Variants in SH3BGR observed in about 807,000 individuals in gnomAD.
SH3BGR encodes SH3 domain-binding glutamic acid-rich protein.
Under a neutral mutation model 24.5 loss-of-function variants are expected in SH3BGR, and 29 were observed. The observed-to-expected ratio is 1.18, with a 90% CI of 0.88 to 1.61. The LOEUF (loss-of-function observed/expected upper bound fraction) is 1.61, where lower values mean the gene tolerates loss of function less well. SH3BGR is among the 40% of genes most tolerant of loss of function. The pLI, the probability that SH3BGR is intolerant of heterozygous loss-of-function variation, is 0.00. For synonymous variants in SH3BGR, 55 were observed against 65.7 expected, an observed-to-expected ratio of 0.84 and a Z score of 0.79; for missense variants, 162 against 205.8, an observed-to-expected ratio of 0.79 and a Z score of 1.30.
chr21:39,499,367 A>G (rs1397488418), intron 3 of SH3BGR, among the ~76,000 whole-genome samples: 2 of 151,444 alleles, frequency 1.3e-5, no homozygotes, highest in Non-Finnish European at 2.9e-5. Flanking sequence ...CCATCCATCC[A>G]TCTATCCATC....
intron 3 of SH3BGR, among the ~76,000 whole-genome samples, chr21:39,499,255 C>CATCTATCTATCTATCTATCTATCTATCT (rs111762804): frequency 0.1 from 15,416 of 151,110 alleles, 1,035 homozygotes; most frequent in East Asian, 0.21. Flanking sequence ...ACCTATCTAT[C>CATCTATCTATCTATCTATCTATCTATCT]ATCTGTCTAT....
chr21:39,482,094 A>G (rs377036547), intron 3 of SH3BGR, among the ~76,000 whole-genome samples: 33 of 152,384 alleles, frequency 2.2e-4, no homozygotes, highest in African/African-American at 7.9e-4. Flanking sequence ...TGAAGTCCAT[A>G]GTCTCACCAG....
At position 39,511,458 on chromosome 21, in the gene SH3BGR, GGT is replaced by G. The variant is rs569174749; in HGVS notation, c.436-211_436-210del. On this transcript the variant is annotated intron_variant, in intron 5 of 6. Coordinates refer to ENST00000333634, the MANE Select transcript of SH3BGR (RefSeq NM_007341.3). This position sits in a 1 kb window ranked among gnomAD's most constrained non-coding sequence, Gnocchi z 4.2. The stretch of plus-strand genomic sequence containing the variant: ...TGCTGTGTGTCATGTGTGTTTCCGT[GGT>G]GTGTGTGTGTTTGGGCGGTATGTGT... 7.2e-3 allele frequency among the ~76,000 whole-genome samples: 1,050 copies of G among 146,788 alleles called. 6 individuals carry two copies. Among genetic ancestry groups the G allele is most frequent in the Middle Eastern group, 0.016 (4 of 258 alleles).
upstream of SH3BGR, among the ~76,000 whole-genome samples, chr21:39,451,375 GA>G (rs2077571824): frequency 6.6e-6 from 1 of 152,138 alleles, no homozygotes; most frequent in Admixed American, 6.5e-5. Flanking sequence ...TACCTCCCTG[GA>G]TGTCAGTGAA....
chr21:39,456,550 A>ATGTGGGGTAGCAGTTTCCG (rs1390146537), intron 1 of SH3BGR, among the ~76,000 whole-genome samples: 68 of 152,256 alleles, frequency 4.5e-4, no homozygotes, highest in Admixed American at 2.6e-3. Context: ...AGCAGTTTCC[A>ATGTGGGGTAGCAGTTTCCG]TGTGGGGTAG....
intron 1 of SH3BGR, 48 bp downstream of exon 1, chr21:39,452,189 T>C: frequency 6.2e-7 from 1 of 1,611,664 alleles, no homozygotes; most frequent in Non-Finnish European, 8.5e-7. Context: ...TCTGAATAAC[T>C]TAGGGTTGGA....
intron 2 of SH3BGR, among the ~76,000 whole-genome samples, chr21:39,471,651 A>G (rs545675485): frequency 6.6e-6 from 1 of 152,182 alleles, no homozygotes; most frequent in Non-Finnish European, 1.5e-5. Flanking sequence ...AAATAGAGAC[A>G]GAGTCTTGCT....
chr21:39,494,017 T>C (rs1414831975), intron 3 of SH3BGR, among the ~76,000 whole-genome samples: 1 of 152,032 alleles, frequency 6.6e-6, no homozygotes, highest in Non-Finnish European at 1.5e-5. Flanking sequence ...TTTGGAGGAG[T>C]CTTTGGGGTT....
rs779001965 is a variant in SH3BGR at position 39,499,817 on chromosome 21, G to A, written c.313-6G>A. On this transcript the variant is annotated splice_region_variant and splice_polypyrimidine_tract_variant and intron_variant, in intron 3 of 6. Coordinates refer to ENST00000333634, the MANE Select transcript of SH3BGR (RefSeq NM_007341.3). ...AGCTCATATCCTGGGTTTCCTTTAT[G>A]ACCAGGGATCAGAGAAGGCTGAAGA... 14 of 1,597,794 alleles carry A rather than the reference G, an allele frequency of 8.8e-6. No individual in the cohort carries two copies. The highest frequency in any genetic ancestry group is 1.2e-5 in the Non-Finnish European group (14 of 1,169,792).
At chr21:39,484,747 G>A (rs1163449949) in intron 3 of SH3BGR, among the ~76,000 whole-genome samples, 4 of 152,236 alleles carry the variant, frequency 2.6e-5, no homozygotes, top group Non-Finnish European at 5.9e-5. Context: ...CTAATTAGCA[G>A]TACAGTTCGT....
chr21:39,446,185 T>G (rs1362877638), intron 1 of SH3BGR: 1 of 137,442 alleles, frequency 7.3e-6, no homozygotes, highest in Non-Finnish European at 1.6e-5. Context: ...TTTTTTTTTG[T>G]AAAACAAAAT....
intron 1 of SH3BGR, among the ~76,000 whole-genome samples, chr21:39,455,391 A>G (rs2077638348): frequency 2.0e-5 from 3 of 152,218 alleles, no homozygotes; most frequent in Non-Finnish European, 4.4e-5. Context: ...AGCATGGGCC[A>G]TGGCACCCTG....
intron 4 of SH3BGR, among the ~76,000 whole-genome samples, chr21:39,503,476 A>G (rs550865157): frequency 6.6e-6 from 1 of 152,332 alleles, no homozygotes; most frequent in East Asian, 1.9e-4. Flanking sequence ...CAGTAAAAAC[A>G]CAAAACGAGC....
At chr21:39,452,417 G>A (rs1246288919) in intron 1 of SH3BGR, among the ~76,000 whole-genome samples, 3 of 152,194 alleles carry the variant, frequency 2.0e-5, no homozygotes, top group Non-Finnish European at 4.4e-5. Flanking sequence ...GTGTTGCCTT[G>A]TGAATATCAT....
At chr21:39,489,274 G>A (rs1429494165) in intron 3 of SH3BGR, among the ~76,000 whole-genome samples, 4 of 152,208 alleles carry the variant, frequency 2.6e-5, no homozygotes, top group Non-Finnish European at 5.9e-5. Flanking sequence ...ATGACTGCAG[G>A]AAAACCAGAA....
intron 4 of SH3BGR, among the ~76,000 whole-genome samples, chr21:39,501,408 A>G (rs909735596): frequency 2.0e-5 from 3 of 152,216 alleles, no homozygotes; most frequent in Non-Finnish European, 4.4e-5. Context: ...ACTACATTTT[A>G]AAATTGTGAG....
At chr21:39,449,991 A>G (rs2077554586), upstream of SH3BGR, among the ~76,000 whole-genome samples, 1 of 152,286 alleles carries the variant, frequency 6.6e-6, no homozygotes, top group East Asian at 1.9e-4. Context: ...TTTTCACCTG[A>G]TATAATCAAG....
intron 5 of SH3BGR, among the ~76,000 whole-genome samples, chr21:39,509,357 T>G (rs2078636299): frequency 6.6e-6 from 1 of 152,192 alleles, no homozygotes; most frequent in Non-Finnish European, 1.5e-5. Flanking sequence ...TTTTCCACCC[T>G]GTTGAATGCA....
intron 3 of SH3BGR, among the ~76,000 whole-genome samples, chr21:39,479,262 G>GTGGTGA (rs1431467921): frequency 6.7e-6 from 1 of 149,844 alleles, no homozygotes; most frequent in Non-Finnish European, 1.5e-5. Context: ...GGTGGTGATG[G>GTGGTGA]TAGTGCTGGT....
Sources: gnomAD v4.1 joint callset for allele counts (sites outside exome capture counted in the v4.1 genomes callset) on GRCh38, gnomAD v4.1.1 for gene constraint, Gnocchi (gnomAD v3.1) non-coding constraint, MANE v1.5 for transcripts, NCBI Gene and HGNC (gene_info 2026-07-23, HGNC 2026-07-21) for gene names.